MICU1: variants seen among roughly 807,000 people sequenced by gnomAD.
MICU1 encodes mitochondrial calcium uptake 1, also known as calcium uptake protein 1, mitochondrial.
A neutral mutation model predicts 56.8 loss-of-function variants in MICU1; 45 were observed. The observed-to-expected ratio is 0.79, with a 90% CI of 0.62 to 1.02. The LOEUF is 1.02. Ranked by LOEUF, MICU1 falls within the 50% of genes least tolerant of loss-of-function variation. MICU1 has a pLI of 0.00. For missense variants in MICU1, 504 were observed against 587.1 expected, an observed-to-expected ratio of 0.86 and a Z score of 1.46; for synonymous variants, 186 against 195.1, an observed-to-expected ratio of 0.95 and a Z score of 0.39.
intron 1 of MICU1, among the ~76,000 whole-genome samples, chr10:72,596,461 A>G (rs928532715): frequency 6.6e-6 from 1 of 152,070 alleles, no homozygotes; most frequent in Non-Finnish European, 1.5e-5. Flanking sequence ...AAGTTCTAGA[A>G]ATCTGCTGTA....
intron 5 of MICU1, among the ~76,000 whole-genome samples, chr10:72,528,333 A>G (rs1284350160): frequency 6.6e-6 from 1 of 152,230 alleles, no homozygotes; most frequent in Non-Finnish European, 1.5e-5. Flanking sequence ...ATAAAGAAAA[A>G]GAAAGCAGAA....
intron 6 of MICU1, among the ~76,000 whole-genome samples, chr10:72,481,624 C>A (rs184663976): frequency 3.9e-5 from 6 of 152,240 alleles, no homozygotes; most frequent in Admixed American, 3.9e-4. Flanking sequence ...ATTGGCCAGG[C>A]TGTTCTAGAA....
intron 11 of MICU1, among the ~76,000 whole-genome samples, chr10:72,369,990 G>GC (rs71018278): frequency 1 from 152,132 of 152,164 alleles, 76,050 homozygotes; most frequent in Middle Eastern, 1. Context: ...GCCATTCTCT[G>GC]CTCAGCCTCC....
chr10:72,573,321 A>C lies in MICU1; in HGVS notation c.-1-6527T>G, dbSNP rs548466364. ...CCCCATCACTACAAAAAAAAAAAAAAAAAAAAAAAAAAAACTAAGGCAACA... is the reference window on the plus strand; with the variant it reads ...CCCCATCACTACAAAAAAAAAAAAACAAAAAAAAAAAAAACTAAGGCAACA... On this transcript the variant is annotated intron_variant, in intron 1 of 11. Coordinates refer to ENST00000361114, the MANE Select transcript of MICU1 (RefSeq NM_001195518.2). Among the ~76,000 whole-genome samples, 13 of 149,374 alleles carry C rather than the reference A, an allele frequency of 8.7e-5. 1 individual carries two copies. The highest frequency in any genetic ancestry group is 1.9e-4 in the East Asian group (1 of 5,146).
intron 6 of MICU1, among the ~76,000 whole-genome samples, chr10:72,486,871 T>G (rs1236357860): frequency 6.6e-6 from 1 of 152,168 alleles, no homozygotes; most frequent in South Asian, 2.1e-4. Context: ...AAAAAAAAAT[T>G]TGCACCAAAA....
chr10:72,381,998 ACACACACATT>A (rs1862722840), intron 10 of MICU1, among the ~76,000 whole-genome samples: 1 of 151,128 alleles, frequency 6.6e-6, no homozygotes, highest in Non-Finnish European at 1.5e-5. Flanking sequence ...ACACACACAC[ACACACACATT>A]AAGATGGAGA....
intron 5 of MICU1, among the ~76,000 whole-genome samples, chr10:72,513,543 A>C (rs1867551479): frequency 6.6e-6 from 1 of 152,198 alleles, no homozygotes; most frequent in African/African-American, 2.4e-5. Flanking sequence ...TATGAAGCAG[A>C]AAAGTTTTAA....
At chr10:72,575,987 G>A (rs1840732014) in intron 1 of MICU1, among the ~76,000 whole-genome samples, 3 of 152,120 alleles carry the variant, frequency 2.0e-5, no homozygotes, top group Non-Finnish European at 4.4e-5. Flanking sequence ...GCTGAGGCGG[G>A]TGGATCACCT....
chr10:72,493,355 A>G (rs1866731383), intron 6 of MICU1, among the ~76,000 whole-genome samples: 1 of 152,178 alleles, frequency 6.6e-6, no homozygotes, highest in South Asian at 2.1e-4. Context: ...ATAAAATGTC[A>G]TTGCACAGAT....
At chr10:72,578,597 A>AT (rs1349538118) in intron 1 of MICU1, among the ~76,000 whole-genome samples, 3 of 150,938 alleles carry the variant, frequency 2.0e-5, no homozygotes, top group East Asian at 2.0e-4. Context: ...GCATGTACAC[A>AT]TTTTTTTTGC....
At chr10:72,567,828 G>A (rs552373407) in intron 1 of MICU1, among the ~76,000 whole-genome samples, 1 of 152,002 alleles carries the variant, frequency 6.6e-6, no homozygotes, top group African/African-American at 2.4e-5. Flanking sequence ...CCTCCTCCAG[G>A]GTCCTTCTAG....
intron 3 of MICU1, among the ~76,000 whole-genome samples, chr10:72,559,005 A>G (rs1589340339): frequency 6.6e-6 from 1 of 152,150 alleles, no homozygotes; most frequent in Non-Finnish European, 1.5e-5. Context: ...GTGACAGAGC[A>G]AGACTCTGAC....
intron 5 of MICU1, among the ~76,000 whole-genome samples, chr10:72,525,760 C>G (rs1867943957): frequency 6.6e-6 from 1 of 152,122 alleles, no homozygotes; most frequent in Non-Finnish European, 1.5e-5. Context: ...ATTTGTAGAG[C>G]TAGATACTTT....
intron 9 of MICU1, among the ~76,000 whole-genome samples, chr10:72,418,131 T>G (rs2132125757): frequency 6.6e-6 from 1 of 152,310 alleles, no homozygotes; most frequent in East Asian, 1.9e-4. Flanking sequence ...AACTGCCCCA[T>G]GATTCAATTA....
intron 1 of MICU1, among the ~76,000 whole-genome samples, chr10:72,610,479 A>G (rs1841814751): frequency 6.6e-6 from 1 of 152,154 alleles, no homozygotes; most frequent in South Asian, 2.1e-4. Context: ...AGCAGAGTTA[A>G]CAAAAACGAA....
chr10:72,390,029 A>G (rs12357282), intron 10 of MICU1, among the ~76,000 whole-genome samples: 66,954 of 152,076 alleles, frequency 0.44, 18,709 homozygotes, highest in Non-Finnish European at 0.64. Context: ...ACAGTATTTC[A>G]TGGAGAAAGG....
rs192402922 is a variant in MICU1 at position 72,458,432 on chromosome 10, T to C, written c.933+16668A>G. On this transcript the variant is annotated intron_variant, in intron 8 of 11. Transcript: ENST00000361114. ...ATTATCAAAACATCTCACTGATCAATATAATCCAGCACAATGAATTTAATA... is the reference window on the plus strand; with the variant it reads ...ATTATCAAAACATCTCACTGATCAACATAATCCAGCACAATGAATTTAATA... Among the ~76,000 whole-genome samples, 259 of 152,274 alleles carry C rather than the reference T, an allele frequency of 1.7e-3. 1 individual carries two copies. Among genetic ancestry groups the C allele is most frequent in the Admixed American group, 3.5e-3 (54 of 15,294 alleles).
chr10:72,576,874 C>T (rs954096945), intron 1 of MICU1, among the ~76,000 whole-genome samples: 3 of 152,110 alleles, frequency 2.0e-5, no homozygotes, highest in Admixed American at 2.0e-4. Context: ...TCCTTAGGAT[C>T]CATAAGAATT....
chr10:72,586,013 C>CTTTTTTTTTTTTTTTTTTTTTTTTTTTT (rs71021511), intron 1 of MICU1, among the ~76,000 whole-genome samples: 5 of 74,680 alleles, frequency 6.7e-5, no homozygotes, highest in African/African-American at 1.7e-4. Context: ...TTTTTTTTTT[C>CTTTTTTTTTTTTTTTTTTTTTTTTTTTT]TTTTTTTTTT....
Sources: allele counts gnomAD v4.1 joint callset (sites outside exome capture counted in the v4.1 genomes callset), GRCh38; gene constraint gnomAD v4.1.1; transcripts MANE v1.5; gene names NCBI Gene and HGNC (gene_info 2026-07-23, HGNC 2026-07-21).